Variants in CDH19 observed in about 807,000 individuals in gnomAD.
CDH19 encodes cadherin 19.
In CDH19, 67 loss-of-function variants were observed where a neutral mutation model predicts 64.2. That is an observed-to-expected ratio of 1.04 (90% CI 0.86 to 1.28). CDH19 has a LOEUF of 1.28. Ranked by LOEUF, CDH19 falls within the 50% of genes most tolerant of loss-of-function variation. The pLI is 0.00. For synonymous variants in CDH19, 346 were observed against 319.3 expected, an observed-to-expected ratio of 1.08 and a Z score of -0.89; for missense variants, 1,030 against 929.0, an observed-to-expected ratio of 1.11 and a Z score of -1.41.
rs148168892 is a variant in CDH19 at position 66,595,547 on chromosome 18, T to C, written c.-113+8407A>G. On this transcript the variant is annotated intron_variant, in intron 1 of 11. Coordinates refer to ENST00000262150, the MANE Select transcript of CDH19 (RefSeq NM_021153.4). Reference sequence around the variant, plus strand: ...AAAAAAAAAAAAACCTGAGAGACTCTATGCACACATAGTAGAAAACCTAGA... The same window carrying C: ...AAAAAAAAAAAAACCTGAGAGACTCCATGCACACATAGTAGAAAACCTAGA... Among the ~76,000 whole-genome samples the C allele has an allele frequency of 5.4e-4, 75 of 139,676 alleles. 2 individuals are homozygous for C. Among genetic ancestry groups the C allele is most frequent in the African/African-American group, 1.9e-3 (73 of 37,552 alleles). 91.6% of individuals were successfully genotyped at this position (139,676 alleles called of 152,430 possible). A position where few individuals can be genotyped will look rare whatever the true frequency, so the allele number is the denominator to read the frequency against.
intron 1 of CDH19, among the ~76,000 whole-genome samples, chr18:66,594,184 T>C (rs375889995): frequency 6.6e-6 from 1 of 152,014 alleles, no homozygotes; most frequent in Non-Finnish European, 1.5e-5. Flanking sequence ...TACATAATGA[T>C]AAAGGGTTCA....
At chr18:66,576,225 TA>T (rs1293583858) in intron 1 of CDH19, among the ~76,000 whole-genome samples, 2 of 151,510 alleles carry the variant, frequency 1.3e-5, no homozygotes, top group Non-Finnish European at 3.0e-5. Flanking sequence ...ATTAATGGGA[TA>T]AAAAAATCAA....
At chr18:66,588,422 G>A (rs1282741092) in intron 1 of CDH19, among the ~76,000 whole-genome samples, 2 of 151,882 alleles carry the variant, frequency 1.3e-5, no homozygotes, top group Non-Finnish European at 2.9e-5. Context: ...GTAGGAAAGA[G>A]TTCAGCGAGC....
chr18:66,547,429 A>T (rs1156261877), intron 5 of CDH19, among the ~76,000 whole-genome samples: 1 of 152,088 alleles, frequency 6.6e-6, no homozygotes, highest in Non-Finnish European at 1.5e-5. Flanking sequence ...GAGGCTATCA[A>T]TTCAGGCTGG....
chr18:66,525,491 G>T (rs1462528433), intron 9 of CDH19, among the ~76,000 whole-genome samples: 2 of 151,894 alleles, frequency 1.3e-5, no homozygotes, highest in Admixed American at 1.3e-4. Flanking sequence ...TAGGTGTTTG[G>T]TTTTAATTGT....
intron 5 of CDH19, among the ~76,000 whole-genome samples, chr18:66,548,743 T>C (rs1002099827): frequency 3.3e-5 from 5 of 152,080 alleles, no homozygotes; most frequent in Non-Finnish European, 7.4e-5. Flanking sequence ...AGGTCGTTAA[T>C]TGGAAACAAT....
chr18:66,516,293 G>A (rs1205057873), intron 9 of CDH19, among the ~76,000 whole-genome samples: 1 of 151,942 alleles, frequency 6.6e-6, no homozygotes, highest in Non-Finnish European at 1.5e-5. Flanking sequence ...TCTGGAAATA[G>A]AGAATCTAGT....
rs1244548194 is a variant in CDH19, at chr18:66,501,939, C to T, written c.*2873G>A. The T allele has an allele frequency of 1.3e-5, 2 of 151,982 alleles. No individual in the cohort carries two copies. The highest frequency in any genetic ancestry group is 2.4e-5 in the African/African-American group (1 of 41,398). The allele number at this position is 151,982 out of a possible 1,614,324, so 9.4% of individuals were successfully genotyped here. ...GCTAGTCCTAATTTTCTTATTTTTA[C>T]CATTAAAAATTTGAAGCTTACATAC... On this transcript the variant is annotated 3_prime_UTR_variant, in exon 12 of 12. Coordinates refer to ENST00000262150, the MANE Select transcript of CDH19 (RefSeq NM_021153.4).
intron 8 of CDH19, among the ~76,000 whole-genome samples, chr18:66,531,094 G>C (rs1374140053): frequency 2.0e-5 from 3 of 152,074 alleles, no homozygotes; most frequent in African/African-American, 7.2e-5. Flanking sequence ...AATGTAAACC[G>C]ACTCTAGCAA....
intron 9 of CDH19, among the ~76,000 whole-genome samples, chr18:66,527,258 G>A (rs1986259878): frequency 6.6e-6 from 1 of 151,500 alleles, no homozygotes; most frequent in African/African-American, 2.4e-5. Flanking sequence ...TGTCATTTTT[G>A]CTTATTTTTT....
intron 4 of CDH19, among the ~76,000 whole-genome samples, chr18:66,553,118 C>T (rs1171486095): frequency 7.4e-6 from 1 of 134,434 alleles, no homozygotes; most frequent in Non-Finnish European, 1.5e-5. Flanking sequence ...TTCATAAGTA[C>T]CTACAGTGGA....
intron 9 of CDH19, among the ~76,000 whole-genome samples, chr18:66,512,189 G>T (rs938097037): frequency 5.3e-5 from 8 of 151,544 alleles, no homozygotes; most frequent in African/African-American, 1.9e-4. Context: ...AAATGTAGGG[G>T]CAATGTACAT....
At chr18:66,582,001 TC>T (rs1407886824) in intron 1 of CDH19, among the ~76,000 whole-genome samples, 2 of 152,082 alleles carry the variant, frequency 1.3e-5, no homozygotes, top group Non-Finnish European at 2.9e-5. Flanking sequence ...TAACTACTGA[TC>T]TTAAAGACAT....
chr18:66,557,835 T>G (rs1168302958), intron 3 of CDH19, among the ~76,000 whole-genome samples: 1 of 151,636 alleles, frequency 6.6e-6, no homozygotes, highest in African/African-American at 2.4e-5. Context: ...CACATATATT[T>G]TCAGTAAATG....
At chr18:66,603,786 T>A (rs1301658350) in intron 1 of CDH19, among the ~76,000 whole-genome samples, 168 bp downstream of exon 1, 1 of 152,160 alleles carries the variant, frequency 6.6e-6, no homozygotes, top group South Asian at 2.1e-4. Flanking sequence ...CAAGTACACA[T>A]CATGGTTTTA....
chr18:66,526,596 A>G (rs2144403203), intron 9 of CDH19, among the ~76,000 whole-genome samples: 1 of 152,262 alleles, frequency 6.6e-6, no homozygotes, highest in South Asian at 2.1e-4. Flanking sequence ...ACACTTTTAT[A>G]AATCTAGGAT....
intron 9 of CDH19, among the ~76,000 whole-genome samples, chr18:66,521,266 T>C (rs1255594039): frequency 1.3e-5 from 2 of 152,132 alleles, no homozygotes; most frequent in South Asian, 2.1e-4. Context: ...TACTCTTACC[T>C]GGTTAAAACA....
chr18:66,588,476 C>T lies in CDH19; in HGVS notation c.-113+15478G>A, dbSNP rs1189721272. 3.3e-5 allele frequency among the ~76,000 whole-genome samples: 5 copies of T among 151,470 alleles called. No homozygotes were observed. The East Asian group carries it at 9.7e-4, about 29-fold the overall frequency. On this transcript the variant is annotated intron_variant, in intron 1 of 11. Coordinates refer to ENST00000262150, the MANE Select transcript of CDH19 (RefSeq NM_021153.4). ...TCTTGTGTTTGAACTTCATAGTGGC[C>T]AGAGGTGATCCTGACAATCTTTGTT...
intron 3 of CDH19, among the ~76,000 whole-genome samples, chr18:66,559,686 ATG>A (rs1555689155): frequency 2.0e-5 from 3 of 150,846 alleles, no homozygotes; most frequent in Non-Finnish European, 4.4e-5. Flanking sequence ...GAATATATAT[ATG>A]TATATACTCT....
Sources: gnomAD v4.1 joint callset for allele counts (sites outside exome capture counted in the v4.1 genomes callset) on GRCh38, gnomAD v4.1.1 for gene constraint, MANE v1.5 for transcripts, NCBI Gene and HGNC (gene_info 2026-07-23, HGNC 2026-07-21) for gene names.